The following SYNRG variants were observed in gnomAD, a reference collection of about 807,000 sequenced individuals.
SYNRG encodes synergin gamma.
Under a neutral mutation model 130.9 loss-of-function variants are expected in SYNRG, and 37 were observed. That is an observed-to-expected ratio of 0.28 (90% confidence interval 0.22 to 0.37). The LOEUF (loss-of-function observed/expected upper bound fraction) is 0.37. Among genes scored for constraint, SYNRG ranks in the 10% least tolerant of loss-of-function variants. The pLI is 1.00. For missense variants in SYNRG, 1,338 were observed against 1,588.9 expected, an observed-to-expected ratio of 0.84 and a Z score of 2.68; for synonymous variants, 539 against 568.1, an observed-to-expected ratio of 0.95 and a Z score of 0.73.
chr17:37,540,638 T>C, intron 15 of SYNRG, 95 bp from the exon 16 acceptor site: 1 of 1,345,030 alleles, frequency 7.4e-7, no homozygotes, highest in Non-Finnish European at 1.0e-6. Context: ...TTCTTTTTTT[T>C]TTTTTTTTTT....
intron 13 of SYNRG, among the ~76,000 whole-genome samples, chr17:37,555,081 A>G (rs1359646866): frequency 6.6e-6 from 1 of 152,128 alleles, no homozygotes; most frequent in Non-Finnish European, 1.5e-5. Context: ...ACTTCTCATA[A>G]ATAATTAAAC....
At chr17:37,579,540 G>C (rs2061120755) in intron 6 of SYNRG, 2 of 884,212 alleles carry the variant, frequency 2.3e-6, no homozygotes, top group South Asian at 3.4e-5. Flanking sequence ...AACATAAATA[G>C]TGGAGGTGAA....
chr17:37,585,316 A>C lies in SYNRG; in HGVS notation c.477+9T>G, dbSNP rs750285357. On this transcript the variant is annotated intron_variant, in intron 5 of 21. Coordinates refer to ENST00000612223, the MANE Select transcript of SYNRG (RefSeq NM_007247.6). Reference sequence around the variant, plus strand: ...ATGTTCTGGGTGAAGAGAAGTATTGAAATACTACCTTGGGTTTCACACTGC... The same window carrying C: ...ATGTTCTGGGTGAAGAGAAGTATTGCAATACTACCTTGGGTTTCACACTGC... 2 of 1,605,906 alleles carry C rather than the reference A, an allele frequency of 1.2e-6. No homozygotes were observed. The highest frequency in any genetic ancestry group is 1.7e-6 in the Non-Finnish European group (2 of 1,174,794).
At chr17:37,590,155 G>A (rs1372899375) in intron 3 of SYNRG, among the ~76,000 whole-genome samples, 5 of 147,338 alleles carry the variant, frequency 3.4e-5, no homozygotes, top group African/African-American at 2.5e-5. Context: ...GCGACAGGGC[G>A]AGACTCTGTC....
intron 19 of SYNRG, among the ~76,000 whole-genome samples, chr17:37,530,391 A>C (rs992044283): frequency 6.6e-6 from 1 of 152,218 alleles, no homozygotes; most frequent in Non-Finnish European, 1.5e-5. Flanking sequence ...ACACAGACAC[A>C]TACTGATCTC....
intron 6 of SYNRG, among the ~76,000 whole-genome samples, chr17:37,581,181 G>A (rs1375444632): frequency 1.3e-5 from 2 of 152,080 alleles, no homozygotes; most frequent in African/African-American, 4.8e-5. Context: ...ATTCACTTAT[G>A]TAATAAACCT....
chr17:37,540,410 G>A lies in SYNRG; in HGVS notation c.3336C>T (p.Asp1112=), dbSNP rs1444453307. The part of the protein sequence containing the change: ...NEKPALPVIR[D]KYKDLTGEVE... ...CCTCTCCCGTCAGGTCTTTGTACTT[G>A]TCTCGGATGACGGGCAGGGCGGGCT... Residue 1112 remains aspartate, a synonymous_variant, in exon 16 of 22, where the codon GAC becomes GAT. Coordinates refer to ENST00000612223, the MANE Select transcript of SYNRG (RefSeq NM_007247.6). 6.2e-7 allele frequency: 1 copy of A among 1,613,764 alleles called. No homozygotes were observed. The highest frequency in any genetic ancestry group is 1.1e-5 in the South Asian group (1 of 91,060).
intron 3 of SYNRG, among the ~76,000 whole-genome samples, chr17:37,594,287 ATAT>A (rs1313337184): frequency 2.7e-5 from 4 of 147,186 alleles, no homozygotes; most frequent in Non-Finnish European, 6.0e-5. Flanking sequence ...AATTTTAATT[ATAT>A]TAATTACAAT....
chr17:37,579,275 G>C (rs769372587), intron 6 of SYNRG: 16 of 1,302,778 alleles, frequency 1.2e-5, no homozygotes, highest in Non-Finnish European at 1.6e-5. Flanking sequence ...CTGGCCAAGT[G>C]GGGTGGAGGG....
intron 19 of SYNRG, among the ~76,000 whole-genome samples, chr17:37,533,916 ATTTTC>A (rs2056913928): frequency 5.2e-5 from 4 of 77,630 alleles, no homozygotes; most frequent in African/African-American, 1.9e-4. Context: ...TCTAAACTTC[ATTTTC>A]TTTTCTTTTT....
chr17:37,562,469 A>T (rs1350318506), intron 11 of SYNRG, among the ~76,000 whole-genome samples: 1 of 152,176 alleles, frequency 6.6e-6, no homozygotes, highest in African/African-American at 2.4e-5. Context: ...ATGAATGACT[A>T]CATTCCACCA....
Position 37,516,177 on chromosome 17 carries a change from T to C in SYNRG, c.*2763A>G, listed in dbSNP as rs983288940. 6.6e-6 allele frequency: 1 copy of C among 152,182 alleles called. No individual in the cohort carries two copies. The highest frequency in any genetic ancestry group is 2.4e-5 in the African/African-American group (1 of 41,436). The allele number at this position is 152,182 out of a possible 1,614,324, so 9.4% of individuals were successfully genotyped here. On this transcript the variant is annotated 3_prime_UTR_variant, in exon 22 of 22. Coordinates refer to ENST00000612223, the MANE Select transcript of SYNRG (RefSeq NM_007247.6). ...AAGCGGGCTGACACAATGCACAGTA[T>C]GGAAATAAGTAACCTTGGCTACAGT...
chr17:37,568,576 T>G (rs1254979379), intron 11 of SYNRG: 2 of 458,790 alleles, frequency 4.4e-6, no homozygotes, highest in African/African-American at 2.0e-5. Context: ...GGCAGGCAGG[T>G]GTGTACTTAC....
chr17:37,586,336 T>C lies in SYNRG; in HGVS notation c.371+83A>G, dbSNP rs1055804770. 11 of 1,554,094 alleles carry C rather than the reference T, an allele frequency of 7.1e-6. No individual in the cohort carries two copies. The African/African-American group carries it at 1.2e-4, about 17-fold the overall frequency. ...AACTTTTGACTGTTTTAGTTTCAAATCTGCACTAGAGATCATTAGACAATT... is the reference window on the plus strand; with the variant it reads ...AACTTTTGACTGTTTTAGTTTCAAACCTGCACTAGAGATCATTAGACAATT... On this transcript the variant is annotated intron_variant, in intron 4 of 21. Transcript: ENST00000612223.
At position 37,570,831 on chromosome 17, in the gene SYNRG, T is replaced by C. The variant is rs773716995; in HGVS notation, c.1153A>G (p.Ile385Val). 1.7e-5 allele frequency: 27 copies of C among 1,614,182 alleles called. No individual in the cohort carries two copies. The East Asian group carries it at 2.9e-4, about 17-fold the overall frequency. The part of the protein sequence containing the change: ...DALNQFPAAP[I>V]PTLSGFSMTL... ...ATAGAAAAGCCACTTAAAGTTGGAA[T>C]AGGAGCTGCTGGGAACTGGTTTAAA... Residue 385 changes from isoleucine (I) to valine (V), a missense_variant, in exon 10 of 22, where the codon ATT becomes GTT. This residue lies in a region of SYNRG where 1,146 missense variants were observed against 1,342.3 expected (regional missense o/e 0.85). Transcript: ENST00000612223.
rs775756419 is a variant in SYNRG, at chr17:37,571,941, T to C, written c.948A>G (p.Ile316Met). Reference protein sequence around the residue: ...ILETTMTPTGIDTAKLYPILM... With the variant: ...ILETTMTPTGMDTAKLYPILM... ...GAATGGGATACAGTTTGGCAGTATC[T>C]ATTCCAGTTGGAGTCATTGTGGTTT... The change falls in exon 9 of 22, where the codon ATA becomes ATG. Residue 316 changes from isoleucine to methionine, a missense_variant. Ile to Met is a conservative substitution (Grantham distance 10). This residue lies in a region of SYNRG where 1,146 missense variants were observed against 1,342.3 expected (regional missense o/e 0.85). Coordinates refer to ENST00000612223, the MANE Select transcript of SYNRG (RefSeq NM_007247.6). The C allele has an allele frequency of 1.9e-6, 3 of 1,614,148 alleles. No homozygotes were observed. Among genetic ancestry groups the C allele is most frequent in the Non-Finnish European group, 2.5e-6 (3 of 1,180,024 alleles).
At position 37,561,615 on chromosome 17, in the gene SYNRG, G is replaced by T. The variant is rs754358168; in HGVS notation, c.1482-26C>A. The T allele has an allele frequency of 2.6e-5, 40 of 1,532,116 alleles. 1 individual carries two copies. In the South Asian group the frequency reaches 4.5e-4, roughly 17 times the overall value. 94.9% of individuals were successfully genotyped at this position (1,532,116 alleles called of 1,614,324 possible). A position where few individuals can be genotyped will look rare whatever the true frequency, so the allele number is the denominator to read the frequency against. ...CTGAAGGAAAAAATAAACATATTTT[G>T]ATGACATTGAATCCCTCCTTTATCA... On this transcript the variant is annotated intron_variant, in intron 11 of 21. Transcript: ENST00000612223.
chr17:37,524,012 C>T (rs1568253617), intron 19 of SYNRG, among the ~76,000 whole-genome samples: 1 of 152,178 alleles, frequency 6.6e-6, no homozygotes, highest in Non-Finnish European at 1.5e-5. Context: ...TGTCGGGGCT[C>T]GAGACTGCAC....
intron 11 of SYNRG, among the ~76,000 whole-genome samples, chr17:37,565,027 G>T (rs2145787222): frequency 6.6e-6 from 1 of 152,318 alleles, no homozygotes; most frequent in Admixed American, 6.5e-5. Context: ...ACTTTGGGAG[G>T]CCGAGGCAGG....
Sources: allele counts gnomAD v4.1 joint callset (sites outside exome capture counted in the v4.1 genomes callset), GRCh38; gene constraint gnomAD v4.1.1; regional missense constraint gnomAD v4.1.1; transcripts MANE v1.5; gene names NCBI Gene and HGNC (gene_info 2026-07-23, HGNC 2026-07-21).